FILIP1L: variants seen among roughly 807,000 people sequenced by gnomAD.
FILIP1L encodes the protein filamin A interacting protein 1 like, also known as filamin A-interacting protein 1-like.
A neutral mutation model predicts 96.6 loss-of-function variants in FILIP1L; 55 were observed. That is an observed-to-expected ratio of 0.57 (90% CI 0.46 to 0.71). The LOEUF (loss-of-function observed/expected upper bound fraction) is 0.71. Among genes scored for constraint, FILIP1L ranks in the 30% least tolerant of loss-of-function variants. The pLI, the probability that FILIP1L is intolerant of heterozygous loss-of-function variation, is 0.00. For missense variants in FILIP1L, 1,304 were observed against 1,321.2 expected (o/e 0.99, Z 0.20); for synonymous variants, 467 against 473.9 (o/e 0.99, Z 0.19).
intron 4 of FILIP1L, among the ~76,000 whole-genome samples, chr3:99,913,093 A>T (rs542692060): frequency 1.1e-3 from 169 of 147,614 alleles, no homozygotes; most frequent in Middle Eastern, 3.4e-3. Flanking sequence ...AGGAGACGAC[A>T]GCGGTTTACA....
chr3:100,113,972 G>A (rs1353269767), intron 1 of FILIP1L, 81 bp downstream of exon 1: 3 of 152,042 alleles, frequency 2.0e-5, no homozygotes, highest in Non-Finnish European at 4.4e-5. Flanking sequence ...TTGGAGAGTG[G>A]TGTTGGCCGC....
At chr3:99,848,050 CTAAA>C (rs2107519960) in intron 5 of FILIP1L, 2 of 1,259,984 alleles carry the variant, frequency 1.6e-6, no homozygotes, top group East Asian at 3.1e-5. Context: ...CAAGTGCAGA[CTAAA>C]TATTTTCCAT....
intron 1 of FILIP1L, among the ~76,000 whole-genome samples, chr3:100,061,887 A>G (rs1472755259): frequency 1.3e-5 from 2 of 152,142 alleles, no homozygotes; most frequent in African/African-American, 4.8e-5. Context: ...TAAAATATAT[A>G]TAATACAAAA....
intron 1 of FILIP1L, among the ~76,000 whole-genome samples, chr3:100,071,503 T>TGC (rs1445096730): frequency 1.3e-5 from 2 of 152,086 alleles, no homozygotes; most frequent in African/African-American, 4.8e-5. Context: ...TTCACTAAAA[T>TGC]TTACATGGGA....
At chr3:99,980,070 T>C (rs1228448277) in intron 1 of FILIP1L, among the ~76,000 whole-genome samples, 1 of 152,082 alleles carries the variant, frequency 6.6e-6, no homozygotes, top group East Asian at 1.9e-4. Flanking sequence ...AGCTGGAAAT[T>C]AGAGGGTGTG....
chr3:100,015,807 G>A (rs915069891), intron 1 of FILIP1L, among the ~76,000 whole-genome samples: 12 of 152,276 alleles, frequency 7.9e-5, no homozygotes, highest in Non-Finnish European at 1.6e-4. Context: ...TAAATGAGAG[G>A]AGGGACTACT....
chr3:99,943,513 G>A (rs184039704), intron 1 of FILIP1L, among the ~76,000 whole-genome samples: 1 of 152,264 alleles, frequency 6.6e-6, no homozygotes, highest in East Asian at 1.9e-4. Flanking sequence ...AGACCAGCCT[G>A]ACCAATATGG....
intron 1 of FILIP1L, among the ~76,000 whole-genome samples, chr3:100,078,911 T>C (rs548859751): frequency 6.6e-6 from 1 of 151,924 alleles, no homozygotes; most frequent in South Asian, 2.1e-4. Context: ...GAAAAAAAGA[T>C]TGCAAAAAAT....
At chr3:100,005,611 T>C (rs545629423) in intron 1 of FILIP1L, among the ~76,000 whole-genome samples, 2 of 152,364 alleles carry the variant, frequency 1.3e-5, no homozygotes, top group Non-Finnish European at 2.9e-5. Context: ...GATTCTAAAG[T>C]TAAATTGTAT....
chr3:100,028,916 CAT>C (rs991568004), intron 1 of FILIP1L, among the ~76,000 whole-genome samples: 4 of 152,246 alleles, frequency 2.6e-5, no homozygotes, highest in African/African-American at 7.2e-5. Context: ...CACACACACA[CAT>C]ATAAACATAA....
At chr3:100,023,726 T>G (rs2064867872) in intron 1 of FILIP1L, among the ~76,000 whole-genome samples, 1 of 152,136 alleles carries the variant, frequency 6.6e-6, no homozygotes, top group Admixed American at 6.6e-5. Flanking sequence ...TGCAGAAAAT[T>G]ACAGGCCTGG....
intron 1 of FILIP1L, among the ~76,000 whole-genome samples, chr3:100,071,196 G>T (rs2065757809): frequency 1.3e-5 from 2 of 148,904 alleles, no homozygotes; most frequent in African/African-American, 2.5e-5. Flanking sequence ...TTTATGCTGG[G>T]GAAGTGGAGA....
At chr3:99,972,592 G>A (rs993095054) in intron 1 of FILIP1L, among the ~76,000 whole-genome samples, 5 of 152,120 alleles carry the variant, frequency 3.3e-5, no homozygotes, top group African/African-American at 4.8e-5. Context: ...AGTAAATAAC[G>A]GTTCATGTTT....
intron 5 of FILIP1L, among the ~76,000 whole-genome samples, chr3:99,831,125 G>T (rs1317688590): frequency 6.6e-6 from 1 of 152,162 alleles, no homozygotes; most frequent in African/African-American, 2.4e-5. Context: ...GGCAGTCAAG[G>T]ATATTTGATT....
rs571473708 is a variant in FILIP1L at position 99,947,249 on chromosome 3, C to T, written c.-10-16219G>A. ...ATTCAACCACGCAGAGATTTATACCCTTGACCTTTTGTATAGTTTCCCATA... is the reference window on the plus strand; with the variant it reads ...ATTCAACCACGCAGAGATTTATACCTTTGACCTTTTGTATAGTTTCCCATA... On this transcript the variant is annotated intron_variant, in intron 1 of 5. Coordinates refer to ENST00000477258, the MANE Select transcript of FILIP1L (RefSeq NM_001387850.1). Among the ~76,000 whole-genome samples the T allele has an allele frequency of 1.4e-4, 22 of 152,090 alleles. No individual in the cohort carries two copies. The South Asian group carries it at 4.6e-3, about 32-fold the overall frequency.
rs565553059 is a variant in FILIP1L at position 99,964,103 on chromosome 3, G to A, written c.-10-33073C>T. Among the ~76,000 whole-genome samples, 8 of 152,072 alleles carry A rather than the reference G, an allele frequency of 5.3e-5. No individual in the cohort carries two copies. In the East Asian group the frequency reaches 5.8e-4, roughly 11 times the overall value. ...AAATAAAAACAGAGGGCATAGACTC[G>A]TTCTGTGGTGCAGATTTACCCTATA... On this transcript the variant is annotated intron_variant, in intron 1 of 5. Transcript: ENST00000477258.
intron 1 of FILIP1L, among the ~76,000 whole-genome samples, chr3:100,042,607 A>G (rs938054482): frequency 3.9e-5 from 6 of 152,222 alleles, no homozygotes; most frequent in Non-Finnish European, 8.8e-5. Context: ...CAGAGTACAT[A>G]ATTAGAACAA....
chr3:99,952,905 C>G (rs1203569638), intron 1 of FILIP1L, among the ~76,000 whole-genome samples: 2 of 151,906 alleles, frequency 1.3e-5, no homozygotes, highest in Non-Finnish European at 2.9e-5. Context: ...AGAGGTATAC[C>G]CCCAAAATGG....
intron 1 of FILIP1L, among the ~76,000 whole-genome samples, chr3:99,998,393 T>C (rs1709742610): frequency 6.6e-6 from 1 of 152,178 alleles, no homozygotes; most frequent in Non-Finnish European, 1.5e-5. Flanking sequence ...TTTAAATGTT[T>C]GTATACCAAC....
Sources: allele counts gnomAD v4.1 joint callset (sites outside exome capture counted in the v4.1 genomes callset), GRCh38; gene constraint gnomAD v4.1.1; transcripts MANE v1.5; gene names NCBI Gene and HGNC (gene_info 2026-07-23, HGNC 2026-07-21).